MGST2: variants seen among roughly 807,000 people sequenced by gnomAD.
MGST2 encodes the protein glutathione peroxidase MGST2.
In MGST2, 9 loss-of-function variants were observed where a neutral mutation model predicts 16.6. The ratio of observed to expected loss-of-function variants is 0.54; its 90% confidence interval spans 0.33 to 0.95. MGST2 has a LOEUF of 0.95. MGST2 is among the 40% of genes least tolerant of loss of function. MGST2 has a pLI of 0.03. For missense variants in MGST2, 159 were observed against 175.1 expected, an observed-to-expected ratio of 0.91 and a Z score of 0.52; for synonymous variants, 79 against 68.0, an observed-to-expected ratio of 1.16 and a Z score of -0.79.
At chr4:139,692,243 C>T (rs937418295) in intron 2 of MGST2, among the ~76,000 whole-genome samples, 12 of 152,204 alleles carry the variant, frequency 7.9e-5, no homozygotes, top group African/African-American at 2.9e-4. Context: ...CAGGTGTTGC[C>T]ATCCTGTGAG....
In MGST2 at chr4:139,671,846, G is replaced by C. The variant is rs113207440; in HGVS notation, c.58+5769G>C. On this transcript the variant is annotated intron_variant, in intron 1 of 4. Transcript: ENST00000265498. ...TAGTAGAGATGGGGTTTCACCGTGTGGGCCAGGCTGGTCTTGATCACCTGA... is the reference window on the plus strand; with the variant it reads ...TAGTAGAGATGGGGTTTCACCGTGTCGGCCAGGCTGGTCTTGATCACCTGA... Among the ~76,000 whole-genome samples the C allele has an allele frequency of 9.9e-4, 151 of 152,102 alleles. 1 individual carries two copies. The highest frequency in any genetic ancestry group is 3.6e-3 in the African/African-American group (148 of 41,500).
chr4:139,724,573 A>G (rs985897073), intron 5 of MGST2, among the ~76,000 whole-genome samples: 1 of 152,184 alleles, frequency 6.6e-6, no homozygotes, highest in Non-Finnish European at 1.5e-5. Flanking sequence ...AAGAGGCTTC[A>G]TAGCTTTTTG....
chr4:139,725,665 G>T, intron 5 of MGST2: 1 of 1,296,074 alleles, frequency 7.7e-7, no homozygotes. Context: ...CACAAATACA[G>T]CCAGTAAGGC....
chr4:139,739,796 G>T (rs1729096651), intron 5 of MGST2, among the ~76,000 whole-genome samples: 1 of 149,906 alleles, frequency 6.7e-6, no homozygotes, highest in East Asian at 1.9e-4. Context: ...AATTATAAGG[G>T]ATTTTTATTT....
At chr4:139,691,694 G>GATTATTATTATT (rs1491509102) in intron 2 of MGST2, among the ~76,000 whole-genome samples, 40 of 130,712 alleles carry the variant, frequency 3.1e-4, no homozygotes, top group African/African-American at 1.3e-3. Context: ...TGATGATGAT[G>GATTATTATTATT]ATGATTATTA....
At chr4:139,742,022 A>C (rs1451993040), downstream of MGST2, among the ~76,000 whole-genome samples, 1 of 152,254 alleles carries the variant, frequency 6.6e-6, no homozygotes, top group Non-Finnish European at 1.5e-5. Context: ...GAAAGAATAT[A>C]GCACTCAAAG....
chr4:139,720,178 C>G (rs377315754), intron 5 of MGST2: 1 of 1,613,910 alleles, frequency 6.2e-7, no homozygotes, highest in African/African-American at 1.3e-5. Context: ...GTCCCATCTC[C>G]GACTGCGCAG....
intron 2 of MGST2, 141 bp downstream of exon 2, chr4:139,678,783 C>G: frequency 1.4e-6 from 1 of 731,502 alleles, no homozygotes; most frequent in Non-Finnish European, 2.4e-6. Context: ...ACAGCCAAGA[C>G]CGTTCTCAGA....
chr4:139,698,482 C>G (rs1727056242), intron 3 of MGST2: 1 of 1,196,904 alleles, frequency 8.4e-7, no homozygotes, highest in African/African-American at 1.5e-5. Context: ...TTGCGAGCGG[C>G]TTTTGTAGCC....
chr4:139,710,068 CA>C (rs908938540), intron 5 of MGST2, among the ~76,000 whole-genome samples: 4 of 152,174 alleles, frequency 2.6e-5, no homozygotes, highest in African/African-American at 9.7e-5. Flanking sequence ...GTTCCATTTT[CA>C]GATAATTTTT....
chr4:139,724,564 A>G (rs1728388968), intron 5 of MGST2, among the ~76,000 whole-genome samples: 1 of 152,220 alleles, frequency 6.6e-6, no homozygotes, highest in African/African-American at 2.4e-5. Flanking sequence ...TTTCTCTGCA[A>G]GAGGCTTCAT....
Position 139,695,791 on chromosome 4 carries a change from A to G in MGST2, c.229+524A>G, listed in dbSNP as rs540077092. Among the ~76,000 whole-genome samples the G allele has an allele frequency of 2.0e-5, 3 of 152,346 alleles. No individual in the cohort carries two copies. In the South Asian group the frequency reaches 6.2e-4, roughly 32 times the overall value. On this transcript the variant is annotated intron_variant, in intron 3 of 4. Coordinates refer to ENST00000265498, the MANE Select transcript of MGST2 (RefSeq NM_002413.5). ...AATATTGAGACAAACTATATGCTAG[A>G]TACTCAAGAATGAGAACGACATGAG...
intron 5 of MGST2, among the ~76,000 whole-genome samples, chr4:139,721,917 A>G (rs12647336): frequency 0.12 from 18,301 of 152,256 alleles, 1,286 homozygotes; most frequent in Non-Finnish European, 0.16. Context: ...TGCATGGCCA[A>G]TAAGATCAAC....
intron 5 of MGST2, chr4:139,719,986 G>A: frequency 6.2e-7 from 1 of 1,614,094 alleles, no homozygotes; most frequent in Non-Finnish European, 8.5e-7. Flanking sequence ...TCACCAGCAT[G>A]CTCTGACCAA....
downstream of MGST2, among the ~76,000 whole-genome samples, chr4:139,743,143 C>T (rs1729217136): frequency 6.6e-6 from 1 of 152,220 alleles, no homozygotes; most frequent in South Asian, 2.1e-4. Context: ...TACAGCATAA[C>T]CACGATTCAC....
At chr4:139,719,936 G>A in intron 5 of MGST2, 1 of 1,614,058 alleles carries the variant, frequency 6.2e-7, no homozygotes, top group South Asian at 1.1e-5. Flanking sequence ...CTGGCCTACT[G>A]GCCCTTTCAT....
At chr4:139,725,078 G>C (rs895860694) in intron 5 of MGST2, among the ~76,000 whole-genome samples, 6 of 152,174 alleles carry the variant, frequency 3.9e-5, no homozygotes, top group African/African-American at 1.4e-4. Flanking sequence ...CTCTATTAGA[G>C]ATGGAAGGGT....
chr4:139,697,424 G>A (rs1052361391), intron 3 of MGST2, among the ~76,000 whole-genome samples: 4 of 152,056 alleles, frequency 2.6e-5, no homozygotes, highest in Admixed American at 6.6e-5. Context: ...TTGCTTCTTG[G>A]TTGGTAGAAG....
At chr4:139,743,634 C>T (rs1729230346), downstream of MGST2, among the ~76,000 whole-genome samples, 1 of 152,168 alleles carries the variant, frequency 6.6e-6, no homozygotes, top group South Asian at 2.1e-4. Flanking sequence ...AACTTGAAAT[C>T]TGTCTCAGAT....
Sources: allele counts gnomAD v4.1 joint callset (sites outside exome capture counted in the v4.1 genomes callset), GRCh38; gene constraint gnomAD v4.1.1; transcripts MANE v1.5; gene names NCBI Gene and HGNC (gene_info 2026-07-23, HGNC 2026-07-21).